The following IMPACT variants were observed in gnomAD, a reference collection of about 807,000 sequenced individuals.
IMPACT encodes protein IMPACT.
A neutral mutation model predicts 47.5 loss-of-function variants in IMPACT; 35 were observed. That is an observed-to-expected ratio of 0.74 (90% confidence interval 0.56 to 0.98). The LOEUF (loss-of-function observed/expected upper bound fraction) is 0.98. Among genes scored for constraint, IMPACT ranks in the 50% least tolerant of loss-of-function variants. The pLI, the probability that IMPACT is intolerant of heterozygous loss-of-function variation, is 0.00. For synonymous variants in IMPACT, 118 were observed against 125.6 expected, an observed-to-expected ratio of 0.94 and a Z score of 0.40; for missense variants, 373 against 394.8, an observed-to-expected ratio of 0.94 and a Z score of 0.47.
chr18:24,438,754 A>C (rs370099651), intron 5 of IMPACT, among the ~76,000 whole-genome samples: 37 of 152,158 alleles, frequency 2.4e-4, no homozygotes, highest in East Asian at 2.1e-3. Flanking sequence ...GGTGTGAGTC[A>C]CTGTGCCTAT....
intron 6 of IMPACT, 39 bp downstream of exon 6, chr18:24,440,657 G>A: frequency 1.3e-6 from 2 of 1,558,548 alleles, no homozygotes. Context: ...AGGAGAGTGG[G>A]TTGGTAGTAT....
intron 4 of IMPACT, among the ~76,000 whole-genome samples, chr18:24,433,035 A>G (rs695049): frequency 1 from 152,260 of 152,260 alleles, 76,130 homozygotes; most frequent in Non-Finnish European, 1. Flanking sequence ...AGCTATTTGA[A>G]ACTTACGAAG....
chr18:24,430,237 A>G, intron 3 of IMPACT, 85 bp from the exon 4 acceptor site: 1 of 964,054 alleles, frequency 1.0e-6, no homozygotes, highest in Non-Finnish European at 1.5e-6. Context: ...TTAAAGCCAA[A>G]AAAATTTATT....
chr18:24,428,793 G>C (rs1908676498), intron 2 of IMPACT, 76 bp from the exon 3 acceptor site: 1 of 1,172,830 alleles, frequency 8.5e-7, no homozygotes, highest in African/African-American at 1.6e-5. Context: ...TTTTTGTCCA[G>C]TTGCTAGCTT....
At chr18:24,435,634 G>C (rs1172151339) in intron 4 of IMPACT, 1 of 152,214 alleles carries the variant, frequency 6.6e-6, no homozygotes, top group Non-Finnish European at 1.5e-5. Flanking sequence ...AAGGAGGCCA[G>C]AACTAAGTGT....
chr18:24,446,706 A>G (rs1909258219), intron 8 of IMPACT, among the ~76,000 whole-genome samples: 1 of 152,166 alleles, frequency 6.6e-6, no homozygotes, highest in African/African-American at 2.4e-5. Context: ...AAACTTACAA[A>G]CAATTATTTG....
intron 4 of IMPACT, among the ~76,000 whole-genome samples, chr18:24,431,161 T>C: frequency 6.6e-6 from 1 of 152,028 alleles, no homozygotes; most frequent in East Asian, 1.9e-4. Flanking sequence ...GTAAGTTCTA[T>C]GAAAGGAAGA....
At chr18:24,427,607 G>T (rs1908646240) in intron 1 of IMPACT, 2 of 238,414 alleles carry the variant, frequency 8.4e-6, no homozygotes, top group African/African-American at 2.3e-5. Flanking sequence ...GAGAAGATAG[G>T]TTTATCTTTT....
intron 4 of IMPACT, among the ~76,000 whole-genome samples, chr18:24,430,815 T>C (rs2144331516): frequency 1.3e-5 from 2 of 152,350 alleles, no homozygotes; most frequent in Middle Eastern, 6.8e-3. Flanking sequence ...CTTGTCAAAG[T>C]AAATTCAGAG....
chr18:24,445,261 C>A, intron 7 of IMPACT, 132 bp from the exon 8 acceptor site: 1 of 495,504 alleles, frequency 2.0e-6, no homozygotes, highest in Non-Finnish European at 3.4e-6. Flanking sequence ...TTGGAAATGA[C>A]TTTTTCAGAG....
At chr18:24,441,751 A>G (rs1462886146) in intron 6 of IMPACT, among the ~76,000 whole-genome samples, 1 of 152,166 alleles carries the variant, frequency 6.6e-6, no homozygotes, top group Non-Finnish European at 1.5e-5. Context: ...GAAGGGAACA[A>G]AGAGGAAATG....
chr18:24,434,862 A>G (rs180967468), intron 4 of IMPACT, among the ~76,000 whole-genome samples: 2 of 130,886 alleles, frequency 1.5e-5, no homozygotes, highest in East Asian at 2.0e-4. Flanking sequence ...ATATATGTGT[A>G]TATATATGTG....
chr18:24,440,673 A>C (rs1163254762), intron 6 of IMPACT, 55 bp downstream of exon 6: 4 of 1,423,210 alleles, frequency 2.8e-6, no homozygotes, highest in African/African-American at 1.5e-5. Flanking sequence ...AGTATTATGT[A>C]TTGTTCTTTG....
At chr18:24,428,499 G>T (rs1908669666) in intron 2 of IMPACT, among the ~76,000 whole-genome samples, 1 of 152,328 alleles carries the variant, frequency 6.6e-6, no homozygotes, top group Non-Finnish European at 1.5e-5. Context: ...GCTTTTCTTA[G>T]TGCTTAATCT....
intron 10 of IMPACT, 113 bp from the exon 11 acceptor site, chr18:24,450,662 CATAT>C: frequency 1.6e-6 from 1 of 628,692 alleles, no homozygotes. Flanking sequence ...TACATACATA[CATAT>C]ATGTATGAAT....
intron 5 of IMPACT, among the ~76,000 whole-genome samples, chr18:24,438,834 C>T (rs1599764393): frequency 6.6e-6 from 1 of 152,184 alleles, no homozygotes; most frequent in Admixed American, 6.5e-5. Context: ...CGCCAAATGT[C>T]TCCACTGTAA....
intron 6 of IMPACT, among the ~76,000 whole-genome samples, chr18:24,442,196 C>T (rs1480520636): frequency 1.3e-5 from 2 of 149,252 alleles, no homozygotes; most frequent in Non-Finnish European, 3.0e-5. Context: ...CTCTGTTGCC[C>T]AGGCTGGAGT....
chr18:24,440,525 G>A lies in IMPACT; in HGVS notation c.397G>A (p.Glu133Lys), dbSNP rs1909076386. The stretch of plus-strand genomic sequence containing the variant: ...AGATGTAAAGAAGAAAACTGAAGAG[G>A]AAGATGTTGAATGTGAAGATGATCT... ...GPDVKKKTEE[E>K]DVECEDDLIL... is the part of the protein sequence containing the mutation. The change falls in exon 6 of 11, where the codon GAA (glutamate) becomes AAA (lysine). Residue 133 changes from glutamate (E) to lysine (K), a missense_variant. By Grantham distance (56) the Glu-to-Lys change is moderately conservative. Transcript: ENST00000284202. 6.2e-7 allele frequency: 1 copy of A among 1,613,036 alleles called. No individual in the cohort carries two copies. Among genetic ancestry groups the A allele is most frequent in the Admixed American group, 1.7e-5 (1 of 59,890 alleles).
intron 4 of IMPACT, among the ~76,000 whole-genome samples, chr18:24,436,317 T>C (rs559781664): frequency 6.6e-6 from 1 of 152,220 alleles, no homozygotes; most frequent in East Asian, 1.9e-4. Context: ...CAATCATAGC[T>C]CACTTCAGCC....
Sources: allele counts gnomAD v4.1 joint callset (sites outside exome capture counted in the v4.1 genomes callset), GRCh38; gene constraint gnomAD v4.1.1; transcripts MANE v1.5; gene names NCBI Gene and HGNC (gene_info 2026-07-23, HGNC 2026-07-21).